Variants in RABEP1 observed in about 807,000 individuals in gnomAD.
RABEP1 encodes rabaptin, RAB GTPase binding effector protein 1.
Under a neutral mutation model 123.4 loss-of-function variants are expected in RABEP1, and 51 were observed. That is an observed-to-expected ratio of 0.41 (90% CI 0.33 to 0.52). The LOEUF (loss-of-function observed/expected upper bound fraction) is 0.52, where lower values mean the gene tolerates loss of function less well. Among genes scored for constraint, RABEP1 ranks in the 20% least tolerant of loss-of-function variants. The pLI is 0.16. For synonymous variants in RABEP1, 347 were observed against 355.2 expected, an observed-to-expected ratio of 0.98 and a Z score of 0.26; for missense variants, 888 against 996.3, an observed-to-expected ratio of 0.89 and a Z score of 1.46.
chr17:5,373,936 C>T (rs904165251), intron 13 of RABEP1, among the ~76,000 whole-genome samples: 8 of 151,992 alleles, frequency 5.3e-5, no homozygotes, highest in East Asian at 1.9e-4. Context: ...TTATTTTTGT[C>T]GGCCCAGATT....
chr17:5,338,332 C>T (rs570756915), intron 5 of RABEP1, among the ~76,000 whole-genome samples, 194 bp downstream of exon 5: 99 of 152,280 alleles, frequency 6.5e-4, no homozygotes, highest in African/African-American at 2.2e-3. Flanking sequence ...GAGGCTGAGG[C>T]GGGCGGATCA....
intron 1 of RABEP1, among the ~76,000 whole-genome samples, chr17:5,296,640 A>C (rs2075086472): frequency 6.6e-6 from 1 of 152,200 alleles, no homozygotes; most frequent in Non-Finnish European, 1.5e-5. Flanking sequence ...CAGTTTAAGT[A>C]GTATAGAAAA....
Position 5,386,011 on chromosome 17 carries a change from G to A in RABEP1, c.*2788G>A. 1.9e-6 allele frequency: 1 copy of A among 530,524 alleles called. No homozygotes were observed. Among genetic ancestry groups the A allele is most frequent in the African/African-American group, 2.0e-5 (1 of 50,820 alleles). The allele number at this position is 530,524 out of a possible 1,614,324, so 32.9% of individuals were successfully genotyped here. A position where few individuals can be genotyped will look rare whatever the true frequency, so the allele number is the denominator to read the frequency against. On this transcript the variant is annotated 3_prime_UTR_variant, in exon 18 of 18. Coordinates refer to ENST00000537505, the MANE Select transcript of RABEP1 (RefSeq NM_004703.6). Reference sequence around the variant, plus strand: ...CCTTGCTGAACACAACTGTAGGCTTGAGTTATAAAGCACATTCCAAATTTT... The same window carrying A: ...CCTTGCTGAACACAACTGTAGGCTTAAGTTATAAAGCACATTCCAAATTTT...
At chr17:5,293,069 C>G (rs147426834) in intron 1 of RABEP1, among the ~76,000 whole-genome samples, 1 of 152,012 alleles carries the variant, frequency 6.6e-6, no homozygotes, top group Non-Finnish European at 1.5e-5. Context: ...GCAGGTGGAT[C>G]CCTTGAGGTC....
intron 1 of RABEP1, among the ~76,000 whole-genome samples, chr17:5,288,948 C>A (rs962058522): frequency 2.0e-5 from 3 of 152,010 alleles, no homozygotes; most frequent in African/African-American, 7.2e-5. Context: ...TCAATTTATC[C>A]ACCCTCCTTG....
chr17:5,294,540 G>A (rs953385249), intron 1 of RABEP1, among the ~76,000 whole-genome samples: 1 of 146,302 alleles, frequency 6.8e-6, no homozygotes, highest in African/African-American at 2.5e-5. Context: ...ATACTACACT[G>A]TTTTATATAA....
intron 1 of RABEP1, among the ~76,000 whole-genome samples, chr17:5,284,750 G>A (rs1343436495): frequency 6.6e-6 from 1 of 152,036 alleles, no homozygotes; most frequent in East Asian, 1.9e-4. Flanking sequence ...GTAGGTGTGA[G>A]CCCGTGAGTC....
intron 15 of RABEP1, chr17:5,378,543 T>C (rs1405638572): frequency 7.8e-6 from 3 of 383,788 alleles, no homozygotes; most frequent in African/African-American, 2.1e-5. Flanking sequence ...AGTAGAAATA[T>C]GTATAAAAAA....
At chr17:5,290,127 G>T (rs538036657) in intron 1 of RABEP1, among the ~76,000 whole-genome samples, 1 of 152,068 alleles carries the variant, frequency 6.6e-6, no homozygotes, top group Admixed American at 6.6e-5. Flanking sequence ...TCGCTCTGTC[G>T]CCCAGGCTAG....
At position 5,341,742 on chromosome 17, in the gene RABEP1, A is replaced by G. The variant is rs1430209865; in HGVS notation, c.648+3604A>G. On this transcript the variant is annotated intron_variant, in intron 5 of 17. Coordinates refer to ENST00000537505, the MANE Select transcript of RABEP1 (RefSeq NM_004703.6). The stretch of plus-strand genomic sequence containing the variant: ...TAAAATAAAGGGGGAGAAATACATC[A>G]TGACCAAGTAGGGTGTATTCCCAGA... Among the ~76,000 whole-genome samples the G allele has an allele frequency of 3.3e-5, 5 of 152,372 alleles. No homozygotes were observed. In the East Asian group the frequency reaches 9.6e-4, roughly 29 times the overall value.
chr17:5,381,307 A>G, intron 16 of RABEP1, 82 bp from the exon 17 acceptor site: 1 of 1,553,652 alleles, frequency 6.4e-7, no homozygotes, highest in Non-Finnish European at 8.7e-7. Flanking sequence ...CTGCCCTAGT[A>G]GTAGGTAACT....
At chr17:5,293,864 G>A (rs963201813) in intron 1 of RABEP1, among the ~76,000 whole-genome samples, 6 of 152,064 alleles carry the variant, frequency 3.9e-5, no homozygotes, top group African/African-American at 1.4e-4. Context: ...TTAAACAGTG[G>A]CCAATTTTTT....
intron 6 of RABEP1, among the ~76,000 whole-genome samples, chr17:5,349,602 T>G (rs1359979095): frequency 2.0e-5 from 3 of 152,202 alleles, no homozygotes; most frequent in African/African-American, 7.2e-5. Flanking sequence ...GATAACAGAT[T>G]TATCAGAATG....
chr17:5,365,899 C>T lies in RABEP1; in HGVS notation c.1785+661C>T, dbSNP rs965990292. On this transcript the variant is annotated intron_variant, in intron 11 of 17. Transcript: ENST00000537505. ...TAGTCATATCATTATACGGATATAC[C>T]GCAATTTATCCAGACTAATGTTGAT... 5.3e-5 allele frequency among the ~76,000 whole-genome samples: 8 copies of T among 152,126 alleles called. No individual in the cohort carries two copies. The South Asian group carries it at 6.2e-4, about 12-fold the overall frequency.
Position 5,383,391 on chromosome 17 carries a change from A to G in RABEP1, c.*168A>G, listed in dbSNP as rs1052657039. On this transcript the variant is annotated 3_prime_UTR_variant, in exon 18 of 18. Coordinates refer to ENST00000537505, the MANE Select transcript of RABEP1 (RefSeq NM_004703.6). ...AAGACTGTGCGGCACAGGAAACAGC[A>G]AACAGTGGGGTGATCTGCAGCCCAG... 4.9e-6 allele frequency: 3 copies of G among 618,546 alleles called. No homozygotes were observed. In the African/African-American group the frequency reaches 5.5e-5, roughly 11 times the overall value. 38.3% of individuals were successfully genotyped at this position (618,546 alleles called of 1,614,324 possible).
chr17:5,362,386 C>A (rs1168632941), intron 9 of RABEP1, among the ~76,000 whole-genome samples: 1 of 152,200 alleles, frequency 6.6e-6, no homozygotes, highest in African/African-American at 2.4e-5. Context: ...AGTCGCAAAA[C>A]CTGACTCCTG....
Position 5,282,555 on chromosome 17 carries a change from G to A in RABEP1, c.34+35G>A, listed in dbSNP as rs1351569327. 6 of 1,152,658 alleles carry A rather than the reference G, an allele frequency of 5.2e-6. No homozygotes were observed. In the East Asian group the frequency reaches 2.2e-4, roughly 41 times the overall value. The allele number at this position is 1,152,658 out of a possible 1,614,324, so 71.4% of individuals were successfully genotyped here. On this transcript the variant is annotated intron_variant, in intron 1 of 17. Coordinates refer to ENST00000537505, the MANE Select transcript of RABEP1 (RefSeq NM_004703.6). ...CCACCATGGCAGGCGCGGCGGGCGCGGCCTGCCCGGCGTCGGCGTCGCGGG... is the reference window on the plus strand; with the variant it reads ...CCACCATGGCAGGCGCGGCGGGCGCAGCCTGCCCGGCGTCGGCGTCGCGGG...
intron 5 of RABEP1, among the ~76,000 whole-genome samples, chr17:5,343,605 A>G (rs1051441429): frequency 6.6e-6 from 1 of 150,998 alleles, no homozygotes; most frequent in South Asian, 2.1e-4. Flanking sequence ...AAGTCGTACT[A>G]TCTGATAGGT....
At chr17:5,368,293 A>AATT (rs1910249493) in intron 11 of RABEP1, 77 bp from the exon 12 acceptor site, 1 of 1,014,300 alleles carries the variant, frequency 9.9e-7, no homozygotes, top group Non-Finnish European at 1.5e-6. Flanking sequence ...CAGACACTAA[A>AATT]TAGTTAGAAG....
Sources: allele counts gnomAD v4.1 joint callset (sites outside exome capture counted in the v4.1 genomes callset), GRCh38; gene constraint gnomAD v4.1.1; transcripts MANE v1.5; gene names NCBI Gene and HGNC (gene_info 2026-07-23, HGNC 2026-07-21).